CHCHD6: variants seen among roughly 807,000 people sequenced by gnomAD.
CHCHD6 encodes coiled-coil-helix-coiled-coil-helix domain containing 6.
In CHCHD6, 28 loss-of-function variants were observed where a neutral mutation model predicts 32.3. The observed-to-expected ratio is 0.87, with a 90% confidence interval of 0.64 to 1.19. CHCHD6 has a LOEUF of 1.19. CHCHD6 is among the 50% of genes most tolerant of loss of function. CHCHD6 has a pLI of 0.00. For missense variants in CHCHD6, 333 were observed against 307.0 expected (o/e 1.08, Z -0.63); for synonymous variants, 122 against 117.5 (o/e 1.04, Z -0.25).
intron 4 of CHCHD6, among the ~76,000 whole-genome samples, chr3:126,773,049 A>T (rs1937572081): frequency 6.6e-6 from 1 of 151,958 alleles, no homozygotes; most frequent in South Asian, 2.1e-4. Flanking sequence ...AAGAATGCTG[A>T]ATATAGGGCC....
At chr3:126,946,364 A>G (rs1172804251) in intron 6 of CHCHD6, among the ~76,000 whole-genome samples, 1 of 152,208 alleles carries the variant, frequency 6.6e-6, no homozygotes, top group Non-Finnish European at 1.5e-5. Flanking sequence ...ACAAAGAGGA[A>G]TGGCCCTTTC....
rs114107569 is a variant in CHCHD6, at chr3:126,819,314, T to C, written c.412-33333T>C. ...ATCCCAGATTGGTATGTGGGACTTA[T>C]TGCTGGGCAGCTTGACCTTCCTTGC... On this transcript the variant is annotated intron_variant, in intron 4 of 7. Transcript: ENST00000290913. Among the ~76,000 whole-genome samples the C allele has an allele frequency of 6.2e-3, 942 of 152,322 alleles. 8 individuals carry two copies. Among genetic ancestry groups the C allele is most frequent in the African/African-American group, 0.021 (888 of 41,574 alleles).
chr3:126,730,436 C>T lies in CHCHD6; in HGVS notation c.197-125C>T, dbSNP rs1229530757. On this transcript the variant is annotated intron_variant, in intron 2 of 7. Coordinates refer to ENST00000290913, the MANE Select transcript of CHCHD6 (RefSeq NM_032343.3). ...CTGTGGACGCTCCTTTGTGGGGACA[C>T]ATCTGTGATGCTGCCTTCCAAGGGG... 1.1e-5 allele frequency: 8 copies of T among 742,864 alleles called. No individual in the cohort carries two copies. In the East Asian group the frequency reaches 1.5e-4, roughly 14 times the overall value. The allele number at this position is 742,864 out of a possible 1,614,324, so 46.0% of individuals were successfully genotyped here.
chr3:126,776,111 A>G (rs74697197), intron 4 of CHCHD6, among the ~76,000 whole-genome samples: 4,594 of 152,296 alleles, frequency 0.03, 100 homozygotes, highest in Non-Finnish European at 0.039. Flanking sequence ...AGTGGGAAAC[A>G]TGAATTGGCT....
Position 126,852,665 on chromosome 3 carries a change from A to C in CHCHD6, c.430A>C (p.Arg144=), listed in dbSNP as rs140257635. Residue 144 remains arginine (R), a synonymous_variant, in exon 5 of 8, where the codon AGA becomes CGA. Coordinates refer to ENST00000290913, the MANE Select transcript of CHCHD6 (RefSeq NM_032343.3). The stretch of plus-strand genomic sequence containing the variant: ...CAAGCAGGCCAGGGAGCTGGAGAGC[A>C]GAGAGGCAGAGCTAAGACGCCGTGA... The part of the protein sequence containing the change: ...SVRLARELES[R]EAELRRRDTF... 6.2e-7 allele frequency: 1 copy of C among 1,613,786 alleles called. No individual in the cohort carries two copies. The highest frequency in any genetic ancestry group is 8.5e-7 in the Non-Finnish European group (1 of 1,179,770).
chr3:126,790,428 G>T (rs1415279308), intron 4 of CHCHD6, among the ~76,000 whole-genome samples: 1 of 152,124 alleles, frequency 6.6e-6, no homozygotes, highest in African/African-American at 2.4e-5. Flanking sequence ...TTTTCAACTT[G>T]GTTCCATTCT....
intron 5 of CHCHD6, among the ~76,000 whole-genome samples, chr3:126,863,899 AACACCTCCTCCTCCTCCACCATCG>A (rs1942102866): frequency 7.2e-6 from 1 of 138,648 alleles, no homozygotes; most frequent in African/African-American, 2.7e-5. Flanking sequence ...CTCCACCATC[AACACCTCCTCCTCCTCCACCATCG>A]ACACCTCCTC....
At chr3:126,945,818 AGG>A (rs960026889) in intron 6 of CHCHD6, among the ~76,000 whole-genome samples, 1 of 147,788 alleles carries the variant, frequency 6.8e-6, no homozygotes, top group Non-Finnish European at 1.5e-5. Context: ...GGGAGACTAA[AGG>A]GGTAAACTTG....
Position 126,958,196 on chromosome 3 carries a change from C to T in CHCHD6, c.702+645C>T, listed in dbSNP as rs551159889. ...CTGCTGCTCTCTATCCTAGATAAGT[C>T]CTCCCCCTTCCCAGGTCCCGTAGCG... On this transcript the variant is annotated intron_variant, in intron 7 of 7. Coordinates refer to ENST00000290913, the MANE Select transcript of CHCHD6 (RefSeq NM_032343.3). Among the ~76,000 whole-genome samples the T allele has an allele frequency of 2.0e-5, 3 of 151,660 alleles. No individual in the cohort carries two copies. In the South Asian group the frequency reaches 6.3e-4, roughly 32 times the overall value.
chr3:126,954,403 A>T (rs1462590466), intron 6 of CHCHD6, among the ~76,000 whole-genome samples: 1 of 152,230 alleles, frequency 6.6e-6, no homozygotes, highest in East Asian at 1.9e-4. Context: ...GCCATTCTGC[A>T]AAGTGTCGGC....
intron 6 of CHCHD6, among the ~76,000 whole-genome samples, chr3:126,945,893 G>A (rs560759199): frequency 3.3e-5 from 5 of 152,080 alleles, no homozygotes; most frequent in Admixed American, 1.3e-4. Flanking sequence ...GCAGAGAGGC[G>A]GCAAGGACTC....
At chr3:126,781,948 G>A (rs1245989528) in intron 4 of CHCHD6, among the ~76,000 whole-genome samples, 3 of 152,144 alleles carry the variant, frequency 2.0e-5, no homozygotes, top group Non-Finnish European at 4.4e-5. Flanking sequence ...GATTAGGGGA[G>A]GGTCTGGGAG....
intron 4 of CHCHD6, among the ~76,000 whole-genome samples, chr3:126,811,049 G>C (rs1939634036): frequency 6.6e-6 from 1 of 152,190 alleles, no homozygotes; most frequent in African/African-American, 2.4e-5. Context: ...AATGAGAAGA[G>C]AAGAGGACTT....
rs962817881 is a variant in CHCHD6, at chr3:126,935,059, G to A, written c.566+20309G>A. 63 of 894,346 alleles carry A rather than the reference G, an allele frequency of 7.0e-5. No individual in the cohort carries two copies. The African/African-American group carries it at 9.7e-4, about 14-fold the overall frequency. The allele number at this position is 894,346 out of a possible 1,614,324, so 55.4% of individuals were successfully genotyped here. ...ACACGTCTAATCAGAGTTGGGAATC[G>A]TTTTGGAAAGAATATCTATCTTGCC... On this transcript the variant is annotated intron_variant, in intron 6 of 7. Transcript: ENST00000290913.
chr3:126,758,663 A>G (rs1457614714), intron 4 of CHCHD6, among the ~76,000 whole-genome samples: 3 of 152,188 alleles, frequency 2.0e-5, no homozygotes, highest in Admixed American at 1.3e-4. Context: ...TTAATTCTCA[A>G]GCCACTCTCA....
intron 6 of CHCHD6, among the ~76,000 whole-genome samples, chr3:126,930,088 G>A (rs2078382344): frequency 6.6e-6 from 1 of 152,192 alleles, no homozygotes. Context: ...AATGTAGGAA[G>A]TGTCTGGAGC....
intron 4 of CHCHD6, among the ~76,000 whole-genome samples, chr3:126,827,589 C>T (rs906052540): frequency 6.6e-6 from 1 of 152,184 alleles, no homozygotes; most frequent in Non-Finnish European, 1.5e-5. Context: ...GCTTCACCTT[C>T]TTTAACCTTT....
At chr3:126,706,562 C>G (rs1934498688) in intron 1 of CHCHD6, among the ~76,000 whole-genome samples, 1 of 152,212 alleles carries the variant, frequency 6.6e-6, no homozygotes, top group East Asian at 1.9e-4. Flanking sequence ...GCTTTCTTTT[C>G]CAGCTGGGCA....
intron 5 of CHCHD6, among the ~76,000 whole-genome samples, chr3:126,906,505 A>C (rs886343427): frequency 6.6e-6 from 1 of 152,196 alleles, no homozygotes; most frequent in Admixed American, 6.5e-5. Context: ...ACCTTCCGAC[A>C]GCGCTCATCT....
Sources: gnomAD v4.1 joint callset for allele counts (sites outside exome capture counted in the v4.1 genomes callset) on GRCh38, gnomAD v4.1.1 for gene constraint, MANE v1.5 for transcripts, NCBI Gene and HGNC (gene_info 2026-07-23, HGNC 2026-07-21) for gene names.